Variants in MROH9 observed in about 807,000 individuals in gnomAD.
MROH9 encodes the protein maestro heat-like repeat-containing protein family member 9.
In MROH9, 92 loss-of-function variants were observed where a neutral mutation model predicts 98.2. The observed-to-expected ratio is 0.94, with a 90% CI of 0.79 to 1.11. MROH9 has a LOEUF of 1.11. Ranked by LOEUF, MROH9 falls within the 50% of genes most tolerant of loss-of-function variation. The pLI, the probability that MROH9 is intolerant of heterozygous loss-of-function variation, is 0.00. For synonymous variants in MROH9, 397 were observed against 368.9 expected (o/e 1.08, Z -0.87); for missense variants, 1,057 against 1,014.8 (o/e 1.04, Z -0.57).
rs1395436170 is a variant in MROH9, at chr1:171,025,377, G to A, written c.2238G>A (p.Trp746Ter). ...CATCTGATACCTTACGATTCCTGTGGAGCCCCAGAACATATCTTAAGAGGG... is the reference window on the plus strand; with the variant it reads ...CATCTGATACCTTACGATTCCTGTGAAGCCCCAGAACATATCTTAAGAGGG... ...DLTSDTLRFLWSPRTYLKRAS... is the reference protein window; with the variant it reads ...DLTSDTLRFL Residue 746 changes from tryptophan (W) to a stop codon, truncating the protein, a stop_gained, in exon 20 of 22, where the codon TGG becomes TGA. Transcript: ENST00000367759. LOFTEE classifies it high-confidence loss of function. 6.5e-7 allele frequency: 1 copy of A among 1,550,154 alleles called. No homozygotes were observed. The highest frequency in any genetic ancestry group is 2.4e-5 in the East Asian group (1 of 40,878).
chr1:171,063,172 C>T (rs943302221), intron 21 of MROH9, among the ~76,000 whole-genome samples: 2 of 151,330 alleles, frequency 1.3e-5, no homozygotes, highest in East Asian at 1.9e-4. Flanking sequence ...TTTCTTTTAT[C>T]GAGAAATAAA....
intron 15 of MROH9, among the ~76,000 whole-genome samples, chr1:170,999,008 T>C (rs1571491294): frequency 6.6e-6 from 1 of 152,148 alleles, no homozygotes; most frequent in African/African-American, 2.4e-5. Context: ...TAACTGAACA[T>C]TGTGGTAGTC....
At chr1:171,022,645 G>A (rs143401857) in intron 17 of MROH9, among the ~76,000 whole-genome samples, 1,722 of 152,216 alleles carry the variant, frequency 0.011, 22 homozygotes, top group Middle Eastern at 0.071. Flanking sequence ...AATAGCTAAT[G>A]CATATGGGGC....
At position 170,970,764 on chromosome 1, in the gene MROH9, G is replaced by A. The variant is rs1280409063; in HGVS notation, c.481-984G>A. 4.6e-5 allele frequency among the ~76,000 whole-genome samples: 7 copies of A among 151,330 alleles called. No homozygotes were observed. The East Asian group carries it at 9.7e-4, about 21-fold the overall frequency. On this transcript the variant is annotated intron_variant, in intron 7 of 21. Transcript: ENST00000367759. ...AGAGAGAGAGAGAGAGAGAGAGAGA[G>A]AGAGACAGAGTGGGCAGGGAGTGGT...
At chr1:171,025,507 T>TA in intron 20 of MROH9, 87 bp downstream of exon 20, 1 of 866,614 alleles carries the variant, frequency 1.2e-6, no homozygotes, top group Admixed American at 2.3e-5. Context: ...ACATTTTTTT[T>TA]AATGTCTCTG....
intron 3 of MROH9, among the ~76,000 whole-genome samples, chr1:170,948,917 G>T (rs1406054787): frequency 6.6e-6 from 1 of 152,048 alleles, no homozygotes. Flanking sequence ...TGGTTCCCCA[G>T]GAAGCAGATT....
At chr1:170,991,505 A>G (rs1042317550) in intron 11 of MROH9, among the ~76,000 whole-genome samples, 1 of 152,152 alleles carries the variant, frequency 6.6e-6, no homozygotes, top group Admixed American at 6.5e-5. Context: ...TTGGCAAGGT[A>G]TCAGAAATAC....
intron 3 of MROH9, among the ~76,000 whole-genome samples, chr1:170,952,836 A>AAGCAGCAGCT (rs1649609386): frequency 6.6e-6 from 1 of 152,042 alleles, no homozygotes; most frequent in African/African-American, 2.4e-5. Flanking sequence ...CAGCAGCAGC[A>AAGCAGCAGCT]AGCAGCAGCT....
intron 13 of MROH9, among the ~76,000 whole-genome samples, chr1:170,995,829 A>T (rs1227519978): frequency 6.6e-6 from 1 of 152,158 alleles, no homozygotes; most frequent in African/African-American, 2.4e-5. Context: ...CAGAAAAGAG[A>T]GCAGAGCATT....
Position 171,005,786 on chromosome 1 carries a change from G to C in MROH9, c.1596+7512G>C, listed in dbSNP as rs188464312. 7.9e-5 allele frequency among the ~76,000 whole-genome samples: 12 copies of C among 152,022 alleles called. 1 individual carries two copies. Among genetic ancestry groups the C allele is most frequent in the Admixed American group, 7.9e-4 (12 of 15,254 alleles). On this transcript the variant is annotated intron_variant, in intron 15 of 21. Coordinates refer to ENST00000367759, the MANE Select transcript of MROH9 (RefSeq NM_001163629.2). ...GTTTCTTGTATGAATGTCTGTCCAG[G>C]ACTTAAAGTACTAGGACTTGCAGCA...
At chr1:170,939,152 T>C (rs1393201945) in intron 1 of MROH9, among the ~76,000 whole-genome samples, 2 of 152,246 alleles carry the variant, frequency 1.3e-5, no homozygotes, top group East Asian at 3.8e-4. Flanking sequence ...TTCTGAGATG[T>C]CTATCCACTT....
intron 20 of MROH9, among the ~76,000 whole-genome samples, chr1:171,055,617 A>AT (rs1653812754): frequency 1.7e-5 from 2 of 115,774 alleles, no homozygotes; most frequent in Admixed American, 8.5e-5. Context: ...GTGAGACTTC[A>AT]TAAAAAAAAA....
At chr1:170,943,959 G>C (rs1309483840) in intron 1 of MROH9, among the ~76,000 whole-genome samples, 2 of 151,954 alleles carry the variant, frequency 1.3e-5, no homozygotes, top group Non-Finnish European at 2.9e-5. Flanking sequence ...TATTGTTACA[G>C]AACTGAATGT....
chr1:170,987,000 A>G (rs1651163196), intron 10 of MROH9, among the ~76,000 whole-genome samples: 1 of 151,566 alleles, frequency 6.6e-6, no homozygotes. Context: ...ACAGGCATGT[A>G]CCACCACACC....
At chr1:170,984,935 T>G (rs549487139) in intron 9 of MROH9, among the ~76,000 whole-genome samples, 1 of 152,020 alleles carries the variant, frequency 6.6e-6, no homozygotes, top group South Asian at 2.1e-4. Flanking sequence ...GTTCAAAGCA[T>G]GCAAATAGGG....
chr1:170,948,432 C>A (rs755926262), intron 3 of MROH9, among the ~76,000 whole-genome samples: 4 of 151,936 alleles, frequency 2.6e-5, no homozygotes, highest in Non-Finnish European at 4.4e-5. Flanking sequence ...TTAATAAAAC[C>A]ATATTCTATT....
chr1:170,953,342 T>A (rs532874937), intron 3 of MROH9, among the ~76,000 whole-genome samples: 81 of 152,222 alleles, frequency 5.3e-4, no homozygotes, highest in Non-Finnish European at 8.7e-4. Context: ...AGGTTTTAGT[T>A]TTGATCAAGT....
chr1:171,034,018 T>C (rs915911445), intron 20 of MROH9, among the ~76,000 whole-genome samples: 1 of 152,152 alleles, frequency 6.6e-6, no homozygotes, highest in African/African-American at 2.4e-5. Flanking sequence ...TCTTCAACAA[T>C]TCTTTATGCA....
At chr1:170,987,525 A>AACGTC (rs1651188675) in intron 10 of MROH9, among the ~76,000 whole-genome samples, 1 of 152,110 alleles carries the variant, frequency 6.6e-6, no homozygotes, top group African/African-American at 2.4e-5. Flanking sequence ...TGCTGGTTTT[A>AACGTC]TTTGCTATTT....
Sources: gnomAD v4.1 joint callset for allele counts (sites outside exome capture counted in the v4.1 genomes callset) on GRCh38, gnomAD v4.1.1 for gene constraint, MANE v1.5 for transcripts, NCBI Gene and HGNC (gene_info 2026-07-23, HGNC 2026-07-21) for gene names.